The following CNBD1 variants were observed in gnomAD, a reference collection of about 807,000 sequenced individuals.
CNBD1 encodes the protein cyclic nucleotide binding domain containing 1, also known as cyclic nucleotide-binding domain-containing protein 1.
A neutral mutation model predicts 54.4 loss-of-function variants in CNBD1; 71 were observed. The observed-to-expected ratio is 1.30, with a 90% CI of 1.08 to 1.59. The LOEUF is 1.59. CNBD1 is among the 40% of genes most tolerant of loss of function. The pLI, the probability that CNBD1 is intolerant of heterozygous loss-of-function variation, is 0.00. For missense variants in CNBD1, 659 were observed against 518.0 expected (o/e 1.27, Z -2.64); for synonymous variants, 182 against 170.7 (o/e 1.07, Z -0.51).
intron 4 of CNBD1, among the ~76,000 whole-genome samples, chr8:87,044,938 T>C (rs925137601): frequency 3.9e-5 from 6 of 152,202 alleles, no homozygotes; most frequent in African/African-American, 1.4e-4. Context: ...TCAGAGCTGC[T>C]TCTCCAACTA....
chr8:86,867,322 T>C (rs964207094), intron 1 of CNBD1, among the ~76,000 whole-genome samples: 1 of 152,196 alleles, frequency 6.6e-6, no homozygotes, highest in African/African-American at 2.4e-5. Context: ...ACAAAGGTAA[T>C]ACTTGTGATC....
intron 8 of CNBD1, among the ~76,000 whole-genome samples, chr8:87,344,777 T>G (rs1033236335): frequency 1.3e-5 from 2 of 152,176 alleles, no homozygotes; most frequent in African/African-American, 4.8e-5. Flanking sequence ...ATCCATGTAC[T>G]TCCTTTGACC....
intron 4 of CNBD1, among the ~76,000 whole-genome samples, chr8:87,018,625 C>T (rs1018418907): frequency 6.6e-6 from 1 of 152,102 alleles, no homozygotes; most frequent in African/African-American, 2.4e-5. Context: ...TGTTATTTAT[C>T]TCTTTTTGTT....
chr8:87,409,083 G>C (rs1222718380), intron 2 of CNBD1, among the ~76,000 whole-genome samples: 1 of 152,140 alleles, frequency 6.6e-6, no homozygotes, highest in African/African-American at 2.4e-5. Flanking sequence ...AAATGATTAA[G>C]CTTAATGAGG....
chr8:86,975,369 C>T (rs1808317631), intron 4 of CNBD1, among the ~76,000 whole-genome samples: 1 of 152,004 alleles, frequency 6.6e-6, no homozygotes, highest in Non-Finnish European at 1.5e-5. Flanking sequence ...AACATCTCTT[C>T]CTGTCTACCA....
At chr8:87,233,078 C>T (rs933457968) in intron 5 of CNBD1, among the ~76,000 whole-genome samples, 5 of 151,982 alleles carry the variant, frequency 3.3e-5, no homozygotes, top group Non-Finnish European at 5.9e-5. Flanking sequence ...TTCATTTAAA[C>T]CCTTTAATAG....
intron 4 of CNBD1, among the ~76,000 whole-genome samples, chr8:87,190,867 A>ATATT (rs1451932529): frequency 1.7e-5 from 1 of 59,538 alleles, no homozygotes; most frequent in Non-Finnish European, 4.2e-5. Flanking sequence ...CTATATCTAA[A>ATATT]TAGATATAGA....
At chr8:87,059,518 G>A (rs1358055000) in intron 4 of CNBD1, among the ~76,000 whole-genome samples, 1 of 152,196 alleles carries the variant, frequency 6.6e-6, no homozygotes, top group Non-Finnish European at 1.5e-5. Context: ...AGCTGGGGAG[G>A]CCTCAGGAAA....
At chr8:87,270,812 T>C (rs1808347351) in intron 6 of CNBD1, among the ~76,000 whole-genome samples, 1 of 151,896 alleles carries the variant, frequency 6.6e-6, no homozygotes, top group Non-Finnish European at 1.5e-5. Flanking sequence ...CTTCTTATTC[T>C]TCATTCTTTT....
At chr8:87,385,025 A>G (rs562420224), downstream of CNBD1, among the ~76,000 whole-genome samples, 5 of 152,216 alleles carry the variant, frequency 3.3e-5, no homozygotes, top group South Asian at 8.3e-4. Flanking sequence ...ATCTGACTTA[A>G]GTTTTCAAAT....
intron 5 of CNBD1, among the ~76,000 whole-genome samples, chr8:87,224,724 G>A (rs1321366986): frequency 1.4e-4 from 21 of 151,350 alleles, no homozygotes; most frequent in East Asian, 3.9e-4. Context: ...TTGGCGATGC[G>A]GGCTCTTTTT....
intron 4 of CNBD1, among the ~76,000 whole-genome samples, chr8:87,080,216 G>C (rs1172027858): frequency 6.6e-6 from 1 of 152,178 alleles, no homozygotes; most frequent in Non-Finnish European, 1.5e-5. Flanking sequence ...CTGGCAATCA[G>C]ATATGGTAAG....
intron 4 of CNBD1, among the ~76,000 whole-genome samples, chr8:87,078,210 G>C (rs908338384): frequency 6.6e-6 from 1 of 152,172 alleles, no homozygotes; most frequent in Non-Finnish European, 1.5e-5. Context: ...ATGAGCCTTG[G>C]CCAGTCAATA....
At chr8:87,206,260 T>C (rs943773388) in intron 5 of CNBD1, 122 bp downstream of exon 5, 4 of 735,732 alleles carry the variant, frequency 5.4e-6, no homozygotes, top group Non-Finnish European at 8.1e-6. Flanking sequence ...AAAAATGTAC[T>C]ATTTGGGTGT....
At chr8:87,283,960 A>G (rs1349631826) in intron 6 of CNBD1, among the ~76,000 whole-genome samples, 1 of 152,138 alleles carries the variant, frequency 6.6e-6, no homozygotes, top group Non-Finnish European at 1.5e-5. Flanking sequence ...GCATTTAGCT[A>G]AAAAGAAAAA....
chr8:87,327,792 C>T (rs188595776), intron 8 of CNBD1, among the ~76,000 whole-genome samples: 59 of 152,228 alleles, frequency 3.9e-4, no homozygotes, highest in African/African-American at 9.6e-4. Context: ...AGCTGTAGAC[C>T]GGAGCTGTTC....
intron 5 of CNBD1, among the ~76,000 whole-genome samples, chr8:87,218,639 A>C (rs1814263824): frequency 6.6e-6 from 1 of 151,998 alleles, no homozygotes; most frequent in African/African-American, 2.4e-5. Flanking sequence ...AAATCCTGTA[A>C]CTGATCATAT....
At chr8:87,073,662 A>T (rs1281287742) in intron 4 of CNBD1, among the ~76,000 whole-genome samples, 6 of 152,098 alleles carry the variant, frequency 3.9e-5, no homozygotes, top group Admixed American at 3.9e-4. Context: ...AGTGGCAAAG[A>T]TGGCAGCCTG....
chr8:86,968,561 GT>G (rs1264056602), intron 4 of CNBD1, among the ~76,000 whole-genome samples: 3 of 152,176 alleles, frequency 2.0e-5, no homozygotes, highest in African/African-American at 7.2e-5. Context: ...AGGGAGGCAG[GT>G]CTATGCCTTT....
Sources: allele counts gnomAD v4.1 joint callset (sites outside exome capture counted in the v4.1 genomes callset), GRCh38; gene constraint gnomAD v4.1.1; transcripts MANE v1.5; gene names NCBI Gene and HGNC (gene_info 2026-07-23, HGNC 2026-07-21).